Variants in KIF7 observed in about 807,000 individuals in gnomAD.
The protein encoded by KIF7 is kinesin family member 7, also known as kinesin-like protein KIF7.
Under a neutral mutation model 135.7 loss-of-function variants are expected in KIF7, and 104 were observed. The ratio of observed to expected loss-of-function variants is 0.77; its 90% CI spans 0.65 to 0.90. The LOEUF (loss-of-function observed/expected upper bound fraction) is 0.90. KIF7 is among the 40% of genes least tolerant of loss of function. The probability of loss-of-function intolerance (pLI) is 0.00; values close to 1 mark genes in which losing one functional copy is unlikely to be tolerated. For missense variants in KIF7, 2,005 were observed against 1,839.1 expected (o/e 1.09, Z -1.65); for synonymous variants, 883 against 809.4 (o/e 1.09, Z -1.54).
At chr15:89,634,554 C>T (rs1963761206) in intron 11 of KIF7, among the ~76,000 whole-genome samples, 2 of 152,194 alleles carry the variant, frequency 1.3e-5, no homozygotes, top group African/African-American at 2.4e-5. Context: ...CCTAGTCAAA[C>T]GAAGGGGTGA....
intron 1 of KIF7, chr15:89,619,981 G>T: frequency 2.0e-6 from 2 of 1,014,874 alleles, no homozygotes; most frequent in South Asian, 1.7e-5. Flanking sequence ...GAGGTTCAGG[G>T]TGATGGCTAG....
At chr15:89,625,293 A>C, downstream of KIF7, 1 of 1,613,906 alleles carries the variant, frequency 6.2e-7, no homozygotes, top group Non-Finnish European at 8.5e-7. Context: ...CTCCATTTCA[A>C]ACAGATGGGG....
At chr15:89,623,781 A>C (rs1963462932), downstream of KIF7, 1 of 1,613,970 alleles carries the variant, frequency 6.2e-7, no homozygotes, top group Non-Finnish European at 8.5e-7. Context: ...AGGAGTCCTT[A>C]AAAGACTCCT....
rs559744419 is a variant in KIF7 at position 89,650,463 on chromosome 15, G to A, written c.329-522C>T. Among the ~76,000 whole-genome samples the A allele has an allele frequency of 3.3e-5, 5 of 152,158 alleles. No homozygotes were observed. The East Asian group carries it at 5.8e-4, about 18-fold the overall frequency. On this transcript the variant is annotated intron_variant, in intron 2 of 18. Transcript: ENST00000394412. ...AGCTGGAGGGCAGTGGCGTGATCTC[G>A]GCTCATTGCAACCTCCACCTTCCGG... is the stretch of plus-strand genomic sequence containing the variant.
In KIF7 at chr15:89,629,582, A is replaced by G; in HGVS notation, c.3319-9T>C. On this transcript the variant is annotated splice_polypyrimidine_tract_variant and intron_variant, in intron 16 of 18. Coordinates refer to ENST00000394412, the MANE Select transcript of KIF7 (RefSeq NM_198525.3). ...TCTCGGAGCGTCACCACCTGTCCCA[A>G]GACCCAGCCAGGCTCAGCCCTCATC... The G allele has an allele frequency of 6.2e-7, 1 of 1,603,854 alleles. No individual in the cohort carries two copies. Among genetic ancestry groups the G allele is most frequent in the South Asian group, 1.1e-5 (1 of 91,078 alleles).
intron 11 of KIF7, among the ~76,000 whole-genome samples, 171 bp from the exon 12 acceptor site, chr15:89,634,054 T>G (rs1963747961): frequency 1.3e-5 from 2 of 152,192 alleles, no homozygotes; most frequent in Admixed American, 1.3e-4. Flanking sequence ...ATCCCAGCAC[T>G]TTGAGAGGCT....
chr15:89,624,847 T>G (rs1334151753), downstream of KIF7: 1 of 1,614,080 alleles, frequency 6.2e-7, no homozygotes, highest in East Asian at 2.2e-5. Context: ...TCCTCCTTCC[T>G]GTGGGCCTGG....
chr15:89,656,768 T>C (rs1964211584), upstream of KIF7, among the ~76,000 whole-genome samples: 1 of 152,088 alleles, frequency 6.6e-6, no homozygotes, highest in African/African-American at 2.4e-5. Context: ...CCTCGAGCAA[T>C]TGGAAAGAGC....
chr15:89,617,553 C>T (rs911297164), intron 2 of KIF7, among the ~76,000 whole-genome samples: 5 of 152,302 alleles, frequency 3.3e-5, no homozygotes, highest in African/African-American at 9.6e-5. Flanking sequence ...GTAGGAATCT[C>T]ACTCTGTCAC....
upstream of KIF7, among the ~76,000 whole-genome samples, chr15:89,656,416 A>C (rs1258782030): frequency 1.3e-5 from 2 of 151,716 alleles, no homozygotes; most frequent in Non-Finnish European, 2.9e-5. Context: ...AGAAGACAGC[A>C]GTGTGTGGTG....
At chr15:89,621,585 TCTC>T (rs778098810) in intron 1 of KIF7, 7 of 1,565,134 alleles carry the variant, frequency 4.5e-6, no homozygotes, top group Middle Eastern at 3.4e-4. Context: ...AATAATATAA[TCTC>T]CTGGAACACA....
rs1273337515 is a variant in KIF7 at position 89,647,039 on chromosome 15, G to A, written c.1579C>T (p.Gln527Ter). Residue 527 changes from glutamine to a stop codon, truncating the protein, a stop_gained, in exon 7 of 19, where the codon CAG becomes TAG. Coordinates refer to ENST00000394412, the MANE Select transcript of KIF7 (RefSeq NM_198525.3). LOFTEE classifies it high-confidence loss of function. ...CGCAGTTCCACCATCTCCTCCTGCT[G>A]CTCACGCAGCCGGTCGCTCTGCAAG... is the stretch of plus-strand genomic sequence containing the variant. ...YKLQSDRLRE[Q>*]QEEMVELRLR... 1 of 1,603,250 alleles carries A rather than the reference G, an allele frequency of 6.2e-7. No homozygotes were observed. Among genetic ancestry groups the A allele is most frequent in the Non-Finnish European group, 8.5e-7 (1 of 1,176,066 alleles).
At position 89,633,010 on chromosome 15, in the gene KIF7, G is replaced by A; in HGVS notation, c.2719-14C>T. The A allele has an allele frequency of 6.5e-7, 1 of 1,545,656 alleles. No individual in the cohort carries two copies. The highest frequency in any genetic ancestry group is 8.8e-7 in the Non-Finnish European group (1 of 1,131,570). On this transcript the variant is annotated splice_polypyrimidine_tract_variant and intron_variant, in intron 13 of 18. Transcript: ENST00000394412. ...CTCCTCAATCTTCTAAGGAAAAGTAGGGAGGGAGGGAGGGAACTCAGGGCC... is the reference window on the plus strand; with the variant it reads ...CTCCTCAATCTTCTAAGGAAAAGTAAGGAGGGAGGGAGGGAACTCAGGGCC...
Position 89,649,447 on chromosome 15 carries a change from G to A in KIF7, c.530-80C>T, listed in dbSNP as rs1964087270. Reference sequence around the variant, plus strand: ...CAGGAGGGCAGGCAGAGCAGAACTAGCCCCAAACCTGCCCTTCCTGACCCA... The same window carrying A: ...CAGGAGGGCAGGCAGAGCAGAACTAACCCCAAACCTGCCCTTCCTGACCCA... On this transcript the variant is annotated intron_variant, in intron 3 of 18. Coordinates refer to ENST00000394412, the MANE Select transcript of KIF7 (RefSeq NM_198525.3). 4 of 1,397,912 alleles carry A rather than the reference G, an allele frequency of 2.9e-6. No homozygotes were observed. In the South Asian group the frequency reaches 6.1e-5, roughly 21 times the overall value. The allele number at this position is 1,397,912 out of a possible 1,614,324, so 86.6% of individuals were successfully genotyped here.
At chr15:89,645,501 C>G in intron 8 of KIF7, 50 bp from the exon 9 acceptor site, 2 of 1,433,210 alleles carry the variant, frequency 1.4e-6, no homozygotes, top group Non-Finnish European at 1.9e-6. Context: ...CCTGCCCCAG[C>G]CTAGCCACCC....
At chr15:89,629,615 C>G (rs760036753) in intron 16 of KIF7, 42 bp from the exon 17 acceptor site, 1 of 1,599,392 alleles carries the variant, frequency 6.3e-7, no homozygotes, top group South Asian at 1.1e-5. Flanking sequence ...ATCATGACCC[C>G]TCTTCATCCA....
In KIF7 at chr15:89,620,911, G is replaced by A. The variant is rs1330362945; in HGVS notation, c.181-2716C>T. On this transcript the variant is annotated intron_variant and NMD_transcript_variant, in intron 1 of 2. Coordinates refer to the KIF7 transcript ENST00000558928. ...CTAAATTTTTTGTATTTTTAGTAGA[G>A]ACAGGTTTCACTGTGTTAGCCAGGA... 2.6e-5 allele frequency among the ~76,000 whole-genome samples: 4 copies of A among 151,386 alleles called. No homozygotes were observed. In the East Asian group the frequency reaches 7.8e-4, roughly 29 times the overall value.
Position 89,628,959 on chromosome 15 carries a change from G to C in KIF7, c.3664+17C>G. On this transcript the variant is annotated intron_variant, in intron 18 of 18. Coordinates refer to ENST00000394412, the MANE Select transcript of KIF7 (RefSeq NM_198525.3). ...GAAAGGGAACAGGTCTGACTTCAGA[G>C]CGCGACGAGGAGTTACCCCTGCTGT... The C allele has an allele frequency of 1.9e-6, 3 of 1,613,954 alleles. No homozygotes were observed. Among genetic ancestry groups the C allele is most frequent in the South Asian group, 1.1e-5 (1 of 91,066 alleles).
At chr15:89,625,997 T>A, downstream of KIF7, 2 of 1,611,508 alleles carry the variant, frequency 1.2e-6, no homozygotes, top group Non-Finnish European at 1.7e-6. Flanking sequence ...CCCTCCAGGC[T>A]CTGACCCAGT....
Sources: gnomAD v4.1 joint callset for allele counts (sites outside exome capture counted in the v4.1 genomes callset) on GRCh38, gnomAD v4.1.1 for gene constraint, MANE v1.5 for transcripts, NCBI Gene and HGNC (gene_info 2026-07-23, HGNC 2026-07-21) for gene names.